The following CEP72 variants were observed in gnomAD, a reference collection of about 807,000 sequenced individuals.
The protein encoded by CEP72 is centrosomal protein 72.
A neutral mutation model predicts 65.7 loss-of-function variants in CEP72; 78 were observed. That is an observed-to-expected ratio of 1.19 (90% CI 0.99 to 1.43). CEP72 has a LOEUF of 1.43. CEP72 is among the 40% of genes most tolerant of loss of function. The pLI is 0.00. For synonymous variants in CEP72, 358 were observed against 351.7 expected (o/e 1.02, Z -0.20); for missense variants, 914 against 832.9 (o/e 1.10, Z -1.20).
intron 9 of CEP72, chr5:643,633 G>A: frequency 1.0e-6 from 1 of 985,386 alleles, no homozygotes; most frequent in Non-Finnish European, 1.2e-6. Context: ...CCCGGCCCCA[G>A]GATGTGCCTG....
intron 7 of CEP72, among the ~76,000 whole-genome samples, chr5:638,443 G>A (rs2126789370): frequency 6.6e-6 from 1 of 152,130 alleles, no homozygotes; most frequent in Admixed American, 6.5e-5. Flanking sequence ...TGTTCACTTG[G>A]TACTTGCCAC....
downstream of CEP72, among the ~76,000 whole-genome samples, chr5:668,709 CAG>C (rs752782995): frequency 6.6e-6 from 1 of 152,268 alleles, no homozygotes; most frequent in African/African-American, 2.4e-5. Context: ...GAAATGAAAA[CAG>C]AGGCTCACAC....
rs762180313 is a variant in CEP72, at chr5:640,440, G to A, written c.1375G>A (p.Glu459Lys). The A allele has an allele frequency of 2.1e-5, 34 of 1,614,188 alleles. No individual in the cohort carries two copies. In the South Asian group the frequency reaches 3.7e-4, roughly 18 times the overall value. ...QARHILSSVE[E>K]FTAAQDSSAM... The stretch of plus-strand genomic sequence containing the variant: ...AAGACACATCTTGTCATCTGTTGAA[G>A]AATTCACAGCAGCTCAGGACAGCTC... The change falls in exon 9 of 12, where the codon GAA (glutamate) becomes AAA (lysine). Residue 459 changes from glutamate to lysine, a missense_variant. Transcript: ENST00000264935.
rs536469010 is a variant in CEP72, at chr5:640,580, G to A, written c.1515G>A (p.Glu505=). 3 of 1,613,320 alleles carry A rather than the reference G, an allele frequency of 1.9e-6. No individual in the cohort carries two copies. The highest frequency in any genetic ancestry group is 4.5e-5 in the East Asian group (2 of 44,882). ...GGGAGATGAGCGAGGTGACGGCGGAGCTGCACCACACACACAAGGAGCTGG... is the reference window on the plus strand; with the variant it reads ...GGGAGATGAGCGAGGTGACGGCGGAACTGCACCACACACACAAGGAGCTGG... The part of the protein sequence containing the change: ...HAREMSEVTA[E]LHHTHKELDD... Residue 505 remains glutamate (E), a synonymous_variant, in exon 9 of 12, where the codon GAG becomes GAA. Transcript: ENST00000264935.
chr5:647,385 CT>C (rs1738493224), intron 10 of CEP72, among the ~76,000 whole-genome samples: 1 of 152,258 alleles, frequency 6.6e-6, no homozygotes, highest in Admixed American at 6.5e-5. Context: ...TCAGAGGGCA[CT>C]TTGGAGACCT....
At chr5:654,493 G>C (rs1739318332), downstream of CEP72, among the ~76,000 whole-genome samples, 1 of 152,010 alleles carries the variant, frequency 6.6e-6, no homozygotes. Flanking sequence ...TGTATCCCTG[G>C]GGAAATCAGA....
chr5:619,317 T>C (rs1472778759), intron 2 of CEP72, among the ~76,000 whole-genome samples, 200 bp downstream of exon 2: 1 of 152,198 alleles, frequency 6.6e-6, no homozygotes, highest in Non-Finnish European at 1.5e-5. Flanking sequence ...CTGATGACGA[T>C]GATTATATCT....
chr5:673,666 C>T, the CEP72 span, among the ~76,000 whole-genome samples: 5 of 152,222 alleles, frequency 3.3e-5, no homozygotes, highest in African/African-American at 1.2e-4. Context: ...AGACCTTGAC[C>T]CTCATGGTCA....
intron 1 of CEP72, among the ~76,000 whole-genome samples, chr5:617,772 G>A (rs1419304160): frequency 6.6e-6 from 1 of 152,196 alleles, no homozygotes; most frequent in African/African-American, 2.4e-5. Flanking sequence ...GACTGAGGCG[G>A]GAGAATCACT....
At chr5:667,854 G>A (rs58811955), downstream of CEP72, among the ~76,000 whole-genome samples, 1 of 75,740 alleles carries the variant, frequency 1.3e-5, no homozygotes, top group Non-Finnish European at 2.4e-5. Context: ...CCGCGTGGGC[G>A]CCGTCAGGGA....
At chr5:657,284 T>G (rs1739403198), downstream of CEP72, among the ~76,000 whole-genome samples, 1 of 152,176 alleles carries the variant, frequency 6.6e-6, no homozygotes, top group Admixed American at 6.5e-5. Context: ...TGAATAAGAC[T>G]CTCGGGCAGC....
At chr5:669,654 C>T (rs539905370), downstream of CEP72, among the ~76,000 whole-genome samples, 14 of 152,232 alleles carry the variant, frequency 9.2e-5, no homozygotes, top group East Asian at 1.2e-3. Context: ...ATGAGTCACT[C>T]GGCGGGAGGG....
chr5:651,092 G>C (rs1739028303), intron 11 of CEP72, among the ~76,000 whole-genome samples: 1 of 80,022 alleles, frequency 1.2e-5, no homozygotes, highest in South Asian at 4.2e-4. Context: ...GGCGTGGACT[G>C]TGAGGCGTGG....
the CEP72 span, among the ~76,000 whole-genome samples, chr5:675,135 GGTGC>G: frequency 6.9e-6 from 1 of 145,828 alleles, no homozygotes. Flanking sequence ...TGTGGCCAGG[GGTGC>G]AGTGTGGCCA....
Position 643,625 on chromosome 5 carries a change from C to T in CEP72, c.1540-674C>T, listed in dbSNP as rs1009446483. 2.9e-5 allele frequency: 29 copies of T among 985,236 alleles called. 1 individual carries two copies. In the South Asian group the frequency reaches 5.2e-4, roughly 18 times the overall value. The allele number at this position is 985,236 out of a possible 1,614,324, so 61.0% of individuals were successfully genotyped here. On this transcript the variant is annotated intron_variant, in intron 9 of 11. Coordinates refer to ENST00000264935, the MANE Select transcript of CEP72 (RefSeq NM_018140.4). ...TGAGCTGGGGCCTGCTCAGCACCCCCGGCCCCAGGATGTGCCTGCTGGTGC... is the reference window on the plus strand; with the variant it reads ...TGAGCTGGGGCCTGCTCAGCACCCCTGGCCCCAGGATGTGCCTGCTGGTGC...
intron 1 of CEP72, among the ~76,000 whole-genome samples, chr5:618,557 T>A (rs1736144475): frequency 6.6e-6 from 1 of 152,128 alleles, no homozygotes; most frequent in Non-Finnish European, 1.5e-5. Context: ...CGCTGGGATT[T>A]TGCAGTGGGG....
chr5:614,012 C>T (rs932055817), intron 1 of CEP72, among the ~76,000 whole-genome samples: 6 of 152,196 alleles, frequency 3.9e-5, no homozygotes, highest in African/African-American at 1.4e-4. Flanking sequence ...CGAGTCCTCC[C>T]TTCTTCCCTG....
At chr5:620,462 G>T (rs1403236186) in intron 3 of CEP72, among the ~76,000 whole-genome samples, 2 of 152,236 alleles carry the variant, frequency 1.3e-5, no homozygotes, top group African/African-American at 4.8e-5. Context: ...AGGGCTGGAA[G>T]TTGAGCACCC....
the CEP72 span, among the ~76,000 whole-genome samples, chr5:673,049 G>A: frequency 7.2e-5 from 11 of 152,294 alleles, no homozygotes; most frequent in East Asian, 1.5e-3. Flanking sequence ...AGAGTCAGCA[G>A]CTTTCTGCAG....
Sources: gnomAD v4.1 joint callset for allele counts (sites outside exome capture counted in the v4.1 genomes callset) on GRCh38, gnomAD v4.1.1 for gene constraint, MANE v1.5 for transcripts, NCBI Gene and HGNC (gene_info 2026-07-23, HGNC 2026-07-21) for gene names.